Variants in MBNL1 observed in about 807,000 individuals in gnomAD.
MBNL1 encodes the protein muscleblind-like protein 1.
A neutral mutation model predicts 42.2 loss-of-function variants in MBNL1; 8 were observed. The observed-to-expected ratio is 0.19, with a 90% CI of 0.11 to 0.34. The LOEUF (loss-of-function observed/expected upper bound fraction) is 0.34, where lower values mean the gene tolerates loss of function less well. Ranked by LOEUF, MBNL1 falls within the 10% of genes least tolerant of loss-of-function variation. The probability of loss-of-function intolerance (pLI) is 1.00; values close to 1 mark genes in which losing one functional copy is unlikely to be tolerated. For missense variants in MBNL1, 309 were observed against 495.3 expected (o/e 0.62, Z 3.57); for synonymous variants, 169 against 173.9 (o/e 0.97, Z 0.22).
chr3:152,342,865 TAATAC>T (rs2093592423), intron 2 of MBNL1, among the ~76,000 whole-genome samples: 2 of 152,208 alleles, frequency 1.3e-5, no homozygotes, highest in Non-Finnish European at 2.9e-5. Flanking sequence ...TAATAAATTT[TAATAC>T]AATTAAAGAG....
chr3:152,392,193 A>G (rs1013027512), intron 2 of MBNL1, among the ~76,000 whole-genome samples: 5 of 152,226 alleles, frequency 3.3e-5, no homozygotes, highest in Admixed American at 6.5e-5. Flanking sequence ...AATCTCCGCA[A>G]GAAGTACCTG....
At position 152,414,228 on chromosome 3, in the gene MBNL1, A is replaced by AT. The variant is rs549728878; in HGVS notation, c.175-707dup. The stretch of plus-strand genomic sequence containing the variant: ...GCAACTTAGTTTCTCCATTTTTTAA[A>AT]TTTTTTGGAGGGTAAATATATCCAT... On this transcript the variant is annotated intron_variant, in intron 2 of 9. Coordinates refer to ENST00000324210, the MANE Select transcript of MBNL1 (RefSeq NM_021038.5). Among the ~76,000 whole-genome samples the AT allele has an allele frequency of 5.8e-3, 883 of 152,284 alleles. 5 individuals carry two copies. The highest frequency in any genetic ancestry group is 0.011 in the Admixed American group (162 of 15,290).
chr3:152,252,320 T>C (rs1223087292), intron 2 of MBNL1, among the ~76,000 whole-genome samples: 1 of 142,736 alleles, frequency 7.0e-6, no homozygotes, highest in African/African-American at 2.5e-5. Flanking sequence ...TCTTTCTGGC[T>C]TCCCATTCAG....
At position 152,286,530 on chromosome 3, in the gene MBNL1, A is replaced by ATATATTTTATTTATAATATAAATATT. The variant is rs1211393114; in HGVS notation, c.-789-12846_-789-12821dup. Among the ~76,000 whole-genome samples the ATATATTTTATTTATAATATAAATATT allele has an allele frequency of 2.5e-4, 36 of 141,570 alleles. 1 individual carries two copies. Among genetic ancestry groups the ATATATTTTATTTATAATATAAATATT allele is most frequent in the East Asian group, 1.8e-3 (9 of 5,060 alleles). 92.9% of individuals were successfully genotyped at this position (141,570 alleles called of 152,430 possible). Reference sequence around the variant, plus strand: ...TATTTATATTTTATTTATAATATAAATATATTTTATTTATAATATAAATAT... The same window carrying ATATATTTTATTTATAATATAAATATT: ...TATTTATATTTTATTTATAATATAAATATATTTTATTTATAATATAAATATTTATATTTTATTTATAATATAAATAT... On this transcript the variant is annotated intron_variant, in intron 1 of 9. Transcript: ENST00000324210.
intron 3 of MBNL1, 79 bp from the exon 4 acceptor site, chr3:152,432,638 G>A: frequency 8.0e-7 from 1 of 1,243,828 alleles, no homozygotes; most frequent in Non-Finnish European, 1.2e-6. Context: ...TAGATGGATG[G>A]AGGACAAATG....
intron 1 of MBNL1, among the ~76,000 whole-genome samples, chr3:152,275,432 T>C (rs1323684768): frequency 6.6e-6 from 1 of 152,116 alleles, no homozygotes; most frequent in Non-Finnish European, 1.5e-5. Flanking sequence ...AATGTTTGGC[T>C]GTGTGCAGTG....
chr3:152,337,897 G>A (rs1421155648), intron 2 of MBNL1, among the ~76,000 whole-genome samples: 3 of 151,956 alleles, frequency 2.0e-5, no homozygotes, highest in Non-Finnish European at 4.4e-5. Context: ...AAAATCAGTT[G>A]TTTAACCTTC....
At chr3:152,275,450 C>G (rs2044425148) in intron 1 of MBNL1, among the ~76,000 whole-genome samples, 1 of 152,110 alleles carries the variant, frequency 6.6e-6, no homozygotes. Flanking sequence ...GTGGCTCACA[C>G]CTGTAATCCC....
In MBNL1 at chr3:152,364,281, A is replaced by C. The variant is rs1253019822; in HGVS notation, c.175-50660A>C. On this transcript the variant is annotated intron_variant, in intron 2 of 9. Transcript: ENST00000324210. ...ATTCCTTAAGACAAGACATCTGTACACAATGTAGCTATAGTGTGATTTACA... is the reference window on the plus strand; with the variant it reads ...ATTCCTTAAGACAAGACATCTGTACCCAATGTAGCTATAGTGTGATTTACA... 2.0e-5 allele frequency among the ~76,000 whole-genome samples: 3 copies of C among 152,148 alleles called. 1 individual carries two copies. The highest frequency in any genetic ancestry group is 2.4e-5 in the African/African-American group (1 of 41,456).
intron 3 of MBNL1, among the ~76,000 whole-genome samples, chr3:152,429,010 T>A (rs996219883): frequency 1.3e-5 from 2 of 152,188 alleles, no homozygotes; most frequent in African/African-American, 4.8e-5. Context: ...ATTGAGCGCC[T>A]ACTGTGTGCC....
chr3:152,428,737 C>A lies in MBNL1; in HGVS notation c.346-3980C>A, dbSNP rs528626796. ...GAGATTCTGACGAGTGAGGAGTGGC[C>A]AGGGCATTCACGGTTTAAAAGTCCT... On this transcript the variant is annotated intron_variant, in intron 3 of 9. Transcript: ENST00000324210. 1.1e-4 allele frequency among the ~76,000 whole-genome samples: 17 copies of A among 152,198 alleles called. No individual in the cohort carries two copies. In the South Asian group the frequency reaches 3.5e-3, roughly 32 times the overall value.
At chr3:152,312,140 C>T (rs1446366269) in intron 2 of MBNL1, among the ~76,000 whole-genome samples, 1 of 140,234 alleles carries the variant, frequency 7.1e-6, no homozygotes, top group Non-Finnish European at 1.5e-5. Context: ...TGCAGTGAGC[C>T]GAGATCCCGC....
chr3:152,444,755 T>C (rs1011118386), intron 4 of MBNL1, among the ~76,000 whole-genome samples: 3 of 152,190 alleles, frequency 2.0e-5, no homozygotes, highest in African/African-American at 7.2e-5. Flanking sequence ...CAGTCTGTCT[T>C]GCATGACCTT....
chr3:152,328,601 T>G (rs957673347), intron 2 of MBNL1, among the ~76,000 whole-genome samples: 1 of 152,160 alleles, frequency 6.6e-6, no homozygotes, highest in African/African-American at 2.4e-5. Flanking sequence ...AAGTTTACAT[T>G]GTATTTATAA....
Position 152,300,268 on chromosome 3 carries a change from G to T in MBNL1, c.75G>T (p.Gly25=), listed in dbSNP as rs909920090. ...TLEVCREFQR[G]TCSRPDTECK... is the part of the protein sequence containing the mutation. ...AAGTATGTAGAGAGTTCCAGAGGGGGACTTGCTCACGGCCAGACACGGAAT... is the reference window on the plus strand; with the variant it reads ...AAGTATGTAGAGAGTTCCAGAGGGGTACTTGCTCACGGCCAGACACGGAAT... The change falls in exon 2 of 10, where the codon GGG becomes GGT. Residue 25 remains glycine (G), a synonymous_variant. Transcript: ENST00000324210. The T allele has an allele frequency of 1.6e-5, 26 of 1,613,918 alleles. No homozygotes were observed. The East Asian group carries it at 5.1e-4, about 32-fold the overall frequency.
intron 2 of MBNL1, among the ~76,000 whole-genome samples, chr3:152,351,733 G>C (rs1157205027): frequency 1.3e-5 from 2 of 152,130 alleles, no homozygotes; most frequent in Non-Finnish European, 2.9e-5. Context: ...AGCTGTAGTT[G>C]TGTCATCTGT....
chr3:152,440,213 T>A (rs1326240544), intron 4 of MBNL1, among the ~76,000 whole-genome samples: 2 of 152,214 alleles, frequency 1.3e-5, no homozygotes, highest in Admixed American at 6.5e-5. Flanking sequence ...AAAGTAGGTG[T>A]CCTTTTCTTG....
At chr3:152,368,556 A>G (rs755599162) in intron 2 of MBNL1, among the ~76,000 whole-genome samples, 5 of 152,178 alleles carry the variant, frequency 3.3e-5, no homozygotes, top group African/African-American at 9.7e-5. Context: ...GAAGAAAGGC[A>G]GTGGTAGCTT....
intron 1 of MBNL1, among the ~76,000 whole-genome samples, chr3:152,271,248 C>T (rs1412327605): frequency 1.3e-5 from 2 of 151,962 alleles, no homozygotes; most frequent in African/African-American, 4.8e-5. Flanking sequence ...CCTTTGGGCA[C>T]AGAATTCCTA....
Sources: gnomAD v4.1 joint callset for allele counts (sites outside exome capture counted in the v4.1 genomes callset) on GRCh38, gnomAD v4.1.1 for gene constraint, MANE v1.5 for transcripts, NCBI Gene and HGNC (gene_info 2026-07-23, HGNC 2026-07-21) for gene names.